The following CSTF2 variants were observed in gnomAD, a reference collection of about 807,000 sequenced individuals.
The protein encoded by CSTF2 is cleavage stimulation factor subunit 2, also known as CF-1 64 kDa subunit.
A neutral mutation model predicts 45.4 loss-of-function variants in CSTF2; 8 were observed. That is an observed-to-expected ratio of 0.18 (90% confidence interval 0.10 to 0.32). The LOEUF is 0.32. Ranked by LOEUF, CSTF2 falls within the 10% of genes least tolerant of loss-of-function variation. The pLI, the probability that CSTF2 is intolerant of heterozygous loss-of-function variation, is 1.00. For synonymous variants in CSTF2, 155 were observed against 158.9 expected (o/e 0.98, Z 0.18); for missense variants, 253 against 477.1 (o/e 0.53, Z 4.38).
At chrX:100,826,474 T>C (rs1485281389) in intron 6 of CSTF2, among the ~76,000 whole-genome samples, 160 bp from the exon 7 acceptor site, 3 of 111,342 alleles carry the variant, frequency 2.7e-5, no homozygotes, top group African/African-American at 9.8e-5. Context: ...GAGTTTAAAG[T>C]GTGTGACAAA....
At chrX:100,823,160 C>A in intron 3 of CSTF2, 132 bp from the exon 4 acceptor site, 1 of 714,121 alleles carries the variant, frequency 1.4e-6, no homozygotes, top group Non-Finnish European at 2.0e-6. Flanking sequence ...GCTTTCACAT[C>A]ATTTATTTCT....
At position 100,821,522 on chromosome X, in the gene CSTF2, C is replaced by T; in HGVS notation, c.59-5C>T. 1 of 1,174,290 alleles carries T rather than the reference C, an allele frequency of 8.5e-7. No homozygotes were observed. The highest frequency in any genetic ancestry group is 1.2e-6 in the Non-Finnish European group (1 of 862,466). The stretch of plus-strand genomic sequence containing the variant: ...AATTTTAATGTTACCTATTTTCTTC[C>T]TTAGTGGGGAACATTCCTTATGAAG... On this transcript the variant is annotated splice_region_variant and splice_polypyrimidine_tract_variant and intron_variant, in intron 1 of 13. Coordinates refer to ENST00000372972, the MANE Select transcript of CSTF2 (RefSeq NM_001325.3).
intron 9 of CSTF2, among the ~76,000 whole-genome samples, chrX:100,832,317 T>G (rs906403310): frequency 2.7e-5 from 3 of 112,394 alleles, no homozygotes; most frequent in African/African-American, 9.7e-5. Context: ...TAGATCATCT[T>G]ATTAAATCCA....
At chrX:100,826,588 G>A in intron 6 of CSTF2, 46 bp from the exon 7 acceptor site, 1 of 1,179,013 alleles carries the variant, frequency 8.5e-7, no homozygotes, top group Non-Finnish European at 1.2e-6. Flanking sequence ...AGTATATTGA[G>A]TATCCACAGA....
chrX:100,833,163 T>C lies in CSTF2; in HGVS notation c.1208-17T>C, dbSNP rs368619124. On this transcript the variant is annotated splice_polypyrimidine_tract_variant and intron_variant, in intron 10 of 13. Transcript: ENST00000372972. ...GCAAGTAGCTACATAATGGTTTTGTTACATTTTTCTTTATAGGTGGAAGGG... is the reference window on the plus strand; with the variant it reads ...GCAAGTAGCTACATAATGGTTTTGTCACATTTTTCTTTATAGGTGGAAGGG... The C allele has an allele frequency of 1.7e-6, 2 of 1,199,494 alleles. No homozygotes were observed. Among genetic ancestry groups the C allele is most frequent in the African/African-American group, 3.5e-5 (2 of 57,048 alleles).
At chrX:100,827,352 C>T (rs1415470823) in intron 7 of CSTF2, among the ~76,000 whole-genome samples, 5 of 112,168 alleles carry the variant, frequency 4.5e-5, no homozygotes, top group African/African-American at 1.6e-4. Context: ...GAGTATTGCT[C>T]ATATACTTGT....
intron 6 of CSTF2, among the ~76,000 whole-genome samples, chrX:100,825,765 G>T (rs2084940628): frequency 9.0e-6 from 1 of 110,887 alleles, no homozygotes; most frequent in African/African-American, 3.3e-5. Flanking sequence ...GTCATAGTTT[G>T]CCAACCCCTG....
At chrX:100,826,610 A>G (rs775135511) in intron 6 of CSTF2, 24 bp from the exon 7 acceptor site, 1 of 1,200,770 alleles carries the variant, frequency 8.3e-7, no homozygotes. Context: ...GCATATACAT[A>G]CTCTGTTTTT....
rs2084975450 is a variant in CSTF2 at position 100,831,546 on chromosome X, G to T, written c.921G>T (p.Gln307His). The change falls in exon 9 of 14, where the codon CAG (glutamine) becomes CAT (histidine). Residue 307 changes from glutamine (Q) to histidine (H), a missense_variant. By Grantham distance (24) the Gln-to-His change is conservative (BLOSUM62 0). Coordinates refer to ENST00000372972, the MANE Select transcript of CSTF2 (RefSeq NM_001325.3). ...TGCAAGACCCCAGAGCAGCTATGCA[G>T]CGGGGATCCTTGCCTGCGAATGTCC... ...VPMQDPRAAMQRGSLPANVPT... is the reference protein window; with the variant it reads ...VPMQDPRAAMHRGSLPANVPT... 3 of 1,211,706 alleles carry T rather than the reference G, an allele frequency of 2.5e-6. No homozygotes were observed. In the East Asian group the frequency reaches 8.9e-5, roughly 36 times the overall value.
chrX:100,820,938 T>G (rs1365289543), intron 1 of CSTF2, among the ~76,000 whole-genome samples: 1 of 112,463 alleles, frequency 8.9e-6, no homozygotes, highest in African/African-American at 3.2e-5. Flanking sequence ...TGTCCTGAGA[T>G]GGCTTGTAAG....
At position 100,832,849 on chromosome X, in the gene CSTF2, C is replaced by T; in HGVS notation, c.1147C>T (p.Leu383=). 1 of 1,209,454 alleles carries T rather than the reference C, an allele frequency of 8.3e-7. No individual in the cohort carries two copies. The highest frequency in any genetic ancestry group is 1.1e-6 in the Non-Finnish European group (1 of 894,171). The change falls in exon 10 of 14, where the codon CTA becomes TTA. Residue 383 remains leucine (L), a synonymous_variant. Transcript: ENST00000372972. ...AGGGCCATTACCCGAGCCCAGACCT[C>T]TAATGGCAGAACCAAGAGGACCCAT... The part of the protein sequence containing the change: ...RGGPLPEPRP[L]MAEPRGPMLD...
intron 11 of CSTF2, among the ~76,000 whole-genome samples, chrX:100,834,893 T>G (rs2084998538): frequency 8.9e-6 from 1 of 111,900 alleles, no homozygotes; most frequent in South Asian, 3.7e-4. Flanking sequence ...GAAGAACATT[T>G]CTGGATAATA....
chrX:100,832,254 A>G (rs1041939315), intron 9 of CSTF2, among the ~76,000 whole-genome samples: 3 of 111,923 alleles, frequency 2.7e-5, no homozygotes, highest in African/African-American at 9.7e-5. Flanking sequence ...GATAGTAATA[A>G]TAATTGACAT....
chrX:100,835,507 C>T (rs1162531405), intron 11 of CSTF2, among the ~76,000 whole-genome samples: 1 of 107,073 alleles, frequency 9.3e-6, no homozygotes, highest in Non-Finnish European at 1.9e-5. Flanking sequence ...TTCTGGAAAA[C>T]ATGAATATAT....
chrX:100,823,496 G>A (rs1402921998), intron 4 of CSTF2, 68 bp downstream of exon 4: 4 of 1,126,900 alleles, frequency 3.5e-6, no homozygotes, highest in Non-Finnish European at 4.8e-6. Flanking sequence ...ACTTGAATTA[G>A]TTCCCTGAGC....
At position 100,824,070 on chromosome X, in the gene CSTF2, G is replaced by C. The variant is rs992377265; in HGVS notation, c.565-50G>C. On this transcript the variant is annotated intron_variant, in intron 5 of 13. Coordinates refer to ENST00000372972, the MANE Select transcript of CSTF2 (RefSeq NM_001325.3). ...ACCTTGAATGGGATAGGAACTACCT[G>C]ATTGCTTTGTTAAACAGACAGCTCA... is the stretch of plus-strand genomic sequence containing the variant. 3 of 1,205,815 alleles carry C rather than the reference G, an allele frequency of 2.5e-6. No individual in the cohort carries two copies. In the African/African-American group the frequency reaches 5.2e-5, roughly 21 times the overall value.
At chrX:100,833,662 C>CA (rs201633072) in intron 11 of CSTF2, among the ~76,000 whole-genome samples, 190 bp downstream of exon 11, 36 of 107,755 alleles carry the variant, frequency 3.3e-4, no homozygotes, top group Middle Eastern at 4.3e-3. Context: ...GATTGTAGTT[C>CA]AAAAAAAAAC....
intron 11 of CSTF2, 83 bp from the exon 12 acceptor site, chrX:100,837,256 A>T: frequency 3.4e-6 from 2 of 596,825 alleles, no homozygotes; most frequent in South Asian, 6.5e-5. Context: ...TATAGAGATC[A>T]TAATTTGTCA....
At chrX:100,829,960 C>T (rs957402985) in intron 8 of CSTF2, among the ~76,000 whole-genome samples, 2 of 112,237 alleles carry the variant, frequency 1.8e-5, no homozygotes, top group East Asian at 5.6e-4. Flanking sequence ...TGTCTTCATG[C>T]AGAGACTAAG....
Sources: allele counts gnomAD v4.1 joint callset (sites outside exome capture counted in the v4.1 genomes callset), GRCh38; gene constraint gnomAD v4.1.1; transcripts MANE v1.5; gene names NCBI Gene and HGNC (gene_info 2026-07-23, HGNC 2026-07-21).